The following NCLN variants were observed in gnomAD, a reference collection of about 807,000 sequenced individuals.
NCLN encodes the protein nicalin, also known as BOS complex subunit NCLN.
NCLN carries 34 observed loss-of-function variants against 69.5 expected under a neutral mutation model. The ratio of observed to expected loss-of-function variants is 0.49; its 90% CI spans 0.37 to 0.65. The LOEUF is 0.65. Ranked by LOEUF, NCLN falls within the 30% of genes least tolerant of loss-of-function variation. NCLN has a pLI of 0.00. For synonymous variants in NCLN, 393 were observed against 358.3 expected (o/e 1.10, Z -1.09); for missense variants, 710 against 804.8 (o/e 0.88, Z 1.42).
At chr19:3,194,947 G>A (rs181542202) in intron 3 of NCLN, among the ~76,000 whole-genome samples, 3 of 152,134 alleles carry the variant, frequency 2.0e-5, no homozygotes, top group Admixed American at 6.5e-5. Context: ...GCTGAGGCAG[G>A]AGGATCGATT....
intron 2 of NCLN, among the ~76,000 whole-genome samples, chr19:3,193,080 G>C (rs111916916): frequency 6.6e-6 from 1 of 151,766 alleles, no homozygotes; most frequent in Admixed American, 6.5e-5. Context: ...GGGAAGCCCT[G>C]GTTTTCTGTG....
chr19:3,200,404 G>A (rs577818459), intron 5 of NCLN, among the ~76,000 whole-genome samples: 2 of 144,690 alleles, frequency 1.4e-5, no homozygotes, highest in South Asian at 2.2e-4. Context: ...TTCGCCTCCC[G>A]GGTTCAAGCG....
chr19:3,198,498 T>C lies in NCLN; in HGVS notation c.616-319T>C, dbSNP rs550339739. ...CTCCAGCCTGGGCGACAGAGTGAGA[T>C]TCCGTCTCAAAAAAAAAAAAAAAAA... On this transcript the variant is annotated intron_variant, in intron 4 of 14. Coordinates refer to ENST00000246117, the MANE Select transcript of NCLN (RefSeq NM_020170.4). Among the ~76,000 whole-genome samples, 441 of 146,440 alleles carry C rather than the reference T, an allele frequency of 3.0e-3. 3 individuals are homozygous for C. Among genetic ancestry groups the C allele is most frequent in the Non-Finnish European group, 5.0e-3 (334 of 66,548 alleles).
At chr19:3,204,392 C>T (rs141549480) in intron 8 of NCLN, among the ~76,000 whole-genome samples, 181 bp from the exon 9 acceptor site, 2,489 of 152,206 alleles carry the variant, frequency 0.016, 65 homozygotes, top group African/African-American at 0.056. Context: ...CTTGTCCCTC[C>T]TTACCCACTG....
In NCLN at chr19:3,186,109, C is replaced by T. The variant is rs1175955590; in HGVS notation, c.79C>T (p.Pro27Ser). The change falls in exon 1 of 15, where the codon CCC (proline) becomes TCC (serine). Residue 27 changes from proline (P) to serine (S), a missense_variant. Coordinates refer to ENST00000246117, the MANE Select transcript of NCLN (RefSeq NM_020170.4). ...CLPLGFIVFLPAVLLLVAPPL... is the reference protein window; with the variant it reads ...CLPLGFIVFLSAVLLLVAPPL... ...GCCGCTCGGCTTCATCGTCTTCCTG[C>T]CCGCTGTGCTGCTGCTGGTGGCGCC... 5 of 1,599,186 alleles carry T rather than the reference C, an allele frequency of 3.1e-6. No individual in the cohort carries two copies. The highest frequency in any genetic ancestry group is 4.3e-6 in the Non-Finnish European group (5 of 1,174,832).
intron 4 of NCLN, among the ~76,000 whole-genome samples, chr19:3,197,045 C>G (rs1342458139): frequency 6.6e-6 from 1 of 152,220 alleles, no homozygotes; most frequent in Non-Finnish European, 1.5e-5. Context: ...GGCCCCGGCT[C>G]CCCATAGACA....
chr19:3,192,305 G>C (rs542807777), intron 1 of NCLN, among the ~76,000 whole-genome samples, 165 bp from the exon 2 acceptor site: 1 of 152,278 alleles, frequency 6.6e-6, no homozygotes, highest in South Asian at 2.1e-4. Flanking sequence ...CCGTTATGTC[G>C]GGGGCAGGCT....
At position 3,205,965 on chromosome 19, in the gene NCLN, C is replaced by G; in HGVS notation, c.1235C>G (p.Thr412Ser). The change falls in exon 10 of 15, where the codon ACC becomes AGC. Residue 412 changes from threonine (T) to serine (S), a missense_variant. Physicochemically the swap from Thr to Ser is moderately conservative, Grantham distance 58 (BLOSUM62 1). Transcript: ENST00000246117. The surrounding 1 kb of genome is among the most constrained non-coding windows in gnomAD (Gnocchi z 4.6). ...VRSRVDSKTL[T>S]RNTRIIAEAL... is the part of the protein sequence containing the mutation. ...TCCCGGGTGGATTCTAAGACCCTGACCCGTAACACGAGGATCATTGCAGAG... is the reference window on the plus strand; with the variant it reads ...TCCCGGGTGGATTCTAAGACCCTGAGCCGTAACACGAGGATCATTGCAGAG... The G allele has an allele frequency of 6.2e-7, 1 of 1,613,772 alleles. No individual in the cohort carries two copies. Among genetic ancestry groups the G allele is most frequent in the Non-Finnish European group, 8.5e-7 (1 of 1,179,978 alleles).
intron 6 of NCLN, 127 bp from the exon 7 acceptor site, chr19:3,203,629 G>C: frequency 1.2e-6 from 1 of 802,996 alleles, no homozygotes. Context: ...CGCCCTAAGG[G>C]GCTGGTCAGG....
At position 3,203,990 on chromosome 19, in the gene NCLN, C is replaced by T; in HGVS notation, c.890-15C>T. The T allele has an allele frequency of 6.4e-7, 1 of 1,557,564 alleles. No individual in the cohort carries two copies. The highest frequency in any genetic ancestry group is 8.7e-7 in the Non-Finnish European group (1 of 1,151,330). On this transcript the variant is annotated splice_polypyrimidine_tract_variant and intron_variant, in intron 7 of 14. Transcript: ENST00000246117. ...CTGGTCCCCACCCACCCCGCCAGCT[C>T]TCGGTGTCCTGCAGACTCCAGCCTG...
chr19:3,197,745 T>A (rs1435446820), intron 4 of NCLN, among the ~76,000 whole-genome samples: 1 of 151,706 alleles, frequency 6.6e-6, no homozygotes, highest in Admixed American at 6.6e-5. Flanking sequence ...CTCAGCCTCC[T>A]AAGTAGCTGG....
chr19:3,201,330 G>A (rs62125906), intron 5 of NCLN, among the ~76,000 whole-genome samples, 193 bp from the exon 6 acceptor site: 11,390 of 152,292 alleles, frequency 0.075, 579 homozygotes, highest in Non-Finnish European at 0.11. Context: ...AGCGACCACA[G>A]CTGCCCACTG....
At position 3,203,699 on chromosome 19, in the gene NCLN, C is replaced by T. The variant is rs1599358107; in HGVS notation, c.801-57C>T. The stretch of plus-strand genomic sequence containing the variant: ...TGGGGGACCTGTGACCTGGCCTGGT[C>T]CCTCCTCCACCCCAGGCGCTTGCCC... On this transcript the variant is annotated intron_variant, in intron 6 of 14. Transcript: ENST00000246117. The T allele has an allele frequency of 1.1e-5, 16 of 1,490,392 alleles. No homozygotes were observed. In the East Asian group the frequency reaches 3.8e-4, roughly 35 times the overall value. The allele number at this position is 1,490,392 out of a possible 1,614,324, so 92.3% of individuals were successfully genotyped here. A position where few individuals can be genotyped will look rare whatever the true frequency, so the allele number is the denominator to read the frequency against.
intron 1 of NCLN, among the ~76,000 whole-genome samples, chr19:3,188,735 G>A (rs947758445): frequency 3.3e-5 from 5 of 152,202 alleles, no homozygotes; most frequent in Non-Finnish European, 7.3e-5. Context: ...CAGCTGGTCC[G>A]TGGGCTCCCG....
At chr19:3,200,501 A>G (rs368747665) in intron 5 of NCLN, among the ~76,000 whole-genome samples, 12 of 151,050 alleles carry the variant, frequency 7.9e-5, no homozygotes, top group Admixed American at 5.9e-4. Flanking sequence ...TAGTAGAGAT[A>G]GGGTTTCACC....
chr19:3,188,881 C>T (rs1044772090), intron 1 of NCLN, among the ~76,000 whole-genome samples: 8 of 152,234 alleles, frequency 5.3e-5, no homozygotes, highest in South Asian at 2.1e-4. Flanking sequence ...TCACTCTGGC[C>T]GCCCCTGAGA....
At chr19:3,199,575 T>C (rs912610504) in intron 5 of NCLN, among the ~76,000 whole-genome samples, 1 of 151,714 alleles carries the variant, frequency 6.6e-6, no homozygotes, top group Non-Finnish European at 1.5e-5. Flanking sequence ...GGGGCCCTGC[T>C]GCAGGTTCCT....
intron 8 of NCLN, 104 bp downstream of exon 8, chr19:3,204,248 G>GA: frequency 7.6e-7 from 1 of 1,315,004 alleles, no homozygotes; most frequent in Non-Finnish European, 1.0e-6. Flanking sequence ...CCGCCCCTCA[G>GA]GCTCTGAGGG....
At chr19:3,188,373 A>G (rs1396219229) in intron 1 of NCLN, among the ~76,000 whole-genome samples, 2 of 152,102 alleles carry the variant, frequency 1.3e-5, no homozygotes, top group Admixed American at 6.5e-5. Context: ...CATGTTGTCT[A>G]TCGAGTGAGC....
Sources: allele counts gnomAD v4.1 joint callset (sites outside exome capture counted in the v4.1 genomes callset), GRCh38; gene constraint gnomAD v4.1.1; non-coding constraint Gnocchi (gnomAD v3.1); transcripts MANE v1.5; gene names NCBI Gene and HGNC (gene_info 2026-07-23, HGNC 2026-07-21).